The following METAP1 variants were observed in gnomAD, a reference collection of about 807,000 sequenced individuals.
The protein encoded by METAP1 is methionine aminopeptidase 1.
Under a neutral mutation model 53.8 loss-of-function variants are expected in METAP1, and 28 were observed. The ratio of observed to expected loss-of-function variants is 0.52; its 90% CI spans 0.39 to 0.71. METAP1 has a LOEUF of 0.71. Among genes scored for constraint, METAP1 ranks in the 30% least tolerant of loss-of-function variants. METAP1 has a pLI of 0.00. For missense variants in METAP1, 389 were observed against 479.8 expected, an observed-to-expected ratio of 0.81 and a Z score of 1.77; for synonymous variants, 181 against 165.7, an observed-to-expected ratio of 1.09 and a Z score of -0.71.
chr4:99,031,865 T>C (rs1290684204), intron 2 of METAP1, among the ~76,000 whole-genome samples: 1 of 152,258 alleles, frequency 6.6e-6, no homozygotes, highest in Non-Finnish European at 1.5e-5. Flanking sequence ...CACGTACTTA[T>C]GACACTACCT....
At chr4:99,030,471 G>A (rs1221429404) in intron 2 of METAP1, among the ~76,000 whole-genome samples, 1 of 152,128 alleles carries the variant, frequency 6.6e-6, no homozygotes, top group Non-Finnish European at 1.5e-5. Flanking sequence ...TTTTTTCAGT[G>A]GATGAGCCTG....
chr4:99,024,871 A>G (rs1447579875), intron 1 of METAP1, among the ~76,000 whole-genome samples: 1 of 152,180 alleles, frequency 6.6e-6, no homozygotes, highest in Non-Finnish European at 1.5e-5. Flanking sequence ...TTTGTGAAAG[A>G]CAATTTTTCC....
At chr4:99,022,998 T>A (rs1579270892) in intron 1 of METAP1, 6 of 1,468,046 alleles carry the variant, frequency 4.1e-6, no homozygotes, top group Middle Eastern at 2.2e-4. Flanking sequence ...ACACAATACC[T>A]GGCACTACCC....
intron 1 of METAP1, chr4:99,023,512 C>G: frequency 1.0e-6 from 1 of 985,368 alleles, no homozygotes; most frequent in Non-Finnish European, 1.2e-6. Flanking sequence ...TTTGCTCACA[C>G]TCTCATCAAC....
In METAP1 at chr4:99,043,300, C is replaced by T. The variant is rs1726007920; in HGVS notation, c.568C>T (p.Pro190Ser). The T allele has an allele frequency of 6.2e-7, 1 of 1,606,254 alleles. No homozygotes were observed. ...TTCTCCCCTGAATTATTATAATTTCCCAAAGTCTTGTTGTACCTCAGTGAA... is the reference window on the plus strand; with the variant it reads ...TTCTCCCCTGAATTATTATAATTTCTCAAAGTCTTGTTGTACCTCAGTGAA... Reference protein sequence around the residue: ...YPSPLNYYNFPKSCCTSVNEV... With the variant: ...YPSPLNYYNFSKSCCTSVNEV... Residue 190 changes from proline to serine, a missense_variant, in exon 7 of 11, where the codon CCA becomes TCA. Pro to Ser is a moderately conservative substitution (Grantham distance 74, BLOSUM62 -1). Transcript: ENST00000296411.
Position 99,016,494 on chromosome 4 carries a change from G to C in METAP1, c.115-12373G>C, listed in dbSNP as rs570315583. 9.9e-5 allele frequency among the ~76,000 whole-genome samples: 15 copies of C among 152,242 alleles called. No homozygotes were observed. The East Asian group carries it at 2.7e-3, about 27-fold the overall frequency. ...TTATCATAATGTGTGCCGTAAAGTG[G>C]GTCCCATTATCTGAGTCAACATTTT... is the stretch of plus-strand genomic sequence containing the variant. On this transcript the variant is annotated intron_variant, in intron 1 of 10. Transcript: ENST00000296411.
At chr4:99,039,495 G>T in intron 5 of METAP1, 30 bp downstream of exon 5, 4 of 1,369,324 alleles carry the variant, frequency 2.9e-6, no homozygotes, top group Non-Finnish European at 4.2e-6. Flanking sequence ...CATGGGGTAG[G>T]AAATGTTTAA....
intron 1 of METAP1, among the ~76,000 whole-genome samples, chr4:99,011,074 C>T (rs2110286622): frequency 6.6e-6 from 1 of 150,526 alleles, no homozygotes; most frequent in East Asian, 2.0e-4. Context: ...TTAAGGTTTT[C>T]TACATGTATA....
intron 9 of METAP1, among the ~76,000 whole-genome samples, chr4:99,054,079 G>C (rs541949371): frequency 6.6e-6 from 1 of 152,010 alleles, no homozygotes; most frequent in Non-Finnish European, 1.5e-5. Flanking sequence ...CAAGCTGCAG[G>C]ATCCCCTAAC....
At chr4:99,051,444 GTAGT>G (rs1174399768) in intron 9 of METAP1, among the ~76,000 whole-genome samples, 2 of 152,046 alleles carry the variant, frequency 1.3e-5, no homozygotes, top group African/African-American at 4.8e-5. Context: ...AGGCTAAAGT[GTAGT>G]GGTGCAGTCA....
Position 99,022,434 on chromosome 4 carries a change from T to C in METAP1, c.115-6433T>C, listed in dbSNP as rs937163294. 4.1e-5 allele frequency: 26 copies of C among 636,482 alleles called. No individual in the cohort carries two copies. The Middle Eastern group carries it at 8.1e-4, about 20-fold the overall frequency. 39.4% of individuals were successfully genotyped at this position (636,482 alleles called of 1,614,324 possible). ...CCTAGGCAGTTGCCAGGTGAGCCCATTCACACCCTACTGGCTGTGCTGCTT... is the reference window on the plus strand; with the variant it reads ...CCTAGGCAGTTGCCAGGTGAGCCCACTCACACCCTACTGGCTGTGCTGCTT... On this transcript the variant is annotated intron_variant, in intron 1 of 10. Transcript: ENST00000296411.
At chr4:99,056,565 T>TTTGC (rs1349488330) in intron 9 of METAP1, among the ~76,000 whole-genome samples, 5 of 151,938 alleles carry the variant, frequency 3.3e-5, no homozygotes, top group Non-Finnish European at 7.4e-5. Context: ...GTTTTTTTTG[T>TTTGC]TTGCTTGTTT....
chr4:99,056,685 C>T (rs1007699879), intron 9 of METAP1, among the ~76,000 whole-genome samples: 3 of 151,924 alleles, frequency 2.0e-5, no homozygotes, highest in African/African-American at 4.8e-5. Flanking sequence ...ATTCTCCTGC[C>T]TCAGCCTCCC....
intron 1 of METAP1, chr4:99,023,261 T>A: frequency 2.2e-6 from 1 of 462,002 alleles, no homozygotes; most frequent in Non-Finnish European, 3.4e-6. Flanking sequence ...TTCACAATAG[T>A]AAGTAATGCT....
intron 9 of METAP1, among the ~76,000 whole-genome samples, chr4:99,053,247 G>T (rs528251728): frequency 6.6e-6 from 1 of 152,120 alleles, no homozygotes; most frequent in East Asian, 1.9e-4. Context: ...TTTGGTTTTG[G>T]TTTTGTTTTT....
intron 1 of METAP1, among the ~76,000 whole-genome samples, chr4:99,014,270 C>T (rs911589411): frequency 2.6e-5 from 4 of 152,222 alleles, no homozygotes; most frequent in African/African-American, 9.6e-5. Context: ...CCCTCTAGGG[C>T]TCTTGTTATA....
chr4:99,041,807 T>C (rs1328859937), intron 6 of METAP1, among the ~76,000 whole-genome samples: 2 of 151,574 alleles, frequency 1.3e-5, no homozygotes, highest in Admixed American at 6.6e-5. Flanking sequence ...TGCTTGGTGA[T>C]GGTATTGTAA....
At chr4:99,024,056 G>A (rs1230200) in intron 1 of METAP1, among the ~76,000 whole-genome samples, 25,057 of 152,136 alleles carry the variant, frequency 0.16, 3,333 homozygotes, top group East Asian at 0.8. Flanking sequence ...CCCACAGCCC[G>A]GCGCCACGCC....
chr4:99,028,890 T>C lies in METAP1; in HGVS notation c.138T>C (p.Ala46=). 1 of 1,546,484 alleles carries C rather than the reference T, an allele frequency of 6.5e-7. No individual in the cohort carries two copies. Among genetic ancestry groups the C allele is most frequent in the South Asian group, 1.2e-5 (1 of 83,188 alleles). The stretch of plus-strand genomic sequence containing the variant: ...AGGAATGTTTTAAAGGAAGTTGGGC[T>C]ACTCACAAGTTACTACATAAGAAAG... The part of the protein sequence containing the change: ...CSQECFKGSW[A]THKLLHKKAK... The change falls in exon 2 of 11, where the codon GCT becomes GCC. Residue 46 remains alanine (A), a synonymous_variant. Coordinates refer to ENST00000296411, the MANE Select transcript of METAP1 (RefSeq NM_015143.3).
Sources: gnomAD v4.1 joint callset for allele counts (sites outside exome capture counted in the v4.1 genomes callset) on GRCh38, gnomAD v4.1.1 for gene constraint, MANE v1.5 for transcripts, NCBI Gene and HGNC (gene_info 2026-07-23, HGNC 2026-07-21) for gene names.